Variants in TULP4 observed in about 807,000 individuals in gnomAD.
TULP4 encodes the protein TUB like protein 4.
A neutral mutation model predicts 129.0 loss-of-function variants in TULP4; 16 were observed. The ratio of observed to expected loss-of-function variants is 0.12; its 90% CI spans 0.08 to 0.19. The LOEUF (loss-of-function observed/expected upper bound fraction) is 0.19. Ranked by LOEUF, TULP4 falls within the 10% of genes least tolerant of loss-of-function variation. The pLI is 1.00. For missense variants in TULP4, 1,842 were observed against 2,059.1 expected (o/e 0.89, Z 2.04); for synonymous variants, 998 against 854.0 (o/e 1.17, Z -2.94).
In TULP4 at chr6:158,493,790, G is replaced by T; in HGVS notation, c.1776+73G>T. On this transcript the variant is annotated intron_variant, in intron 10 of 13. Coordinates refer to ENST00000367097, the MANE Select transcript of TULP4 (RefSeq NM_020245.5). The surrounding 1 kb of genome is among the most constrained non-coding windows in gnomAD (Gnocchi z 4.4). ...ATGCCCAGAGGGCCCCTTCCTACCCGCCGCCTGCACTGCTCACTGCCACCA... is the reference window on the plus strand; with the variant it reads ...ATGCCCAGAGGGCCCCTTCCTACCCTCCGCCTGCACTGCTCACTGCCACCA... 6.9e-7 allele frequency: 1 copy of T among 1,455,296 alleles called. No individual in the cohort carries two copies. The highest frequency in any genetic ancestry group is 9.1e-7 in the Non-Finnish European group (1 of 1,098,286). The allele number at this position is 1,455,296 out of a possible 1,614,324, so 90.1% of individuals were successfully genotyped here.
At chr6:158,474,312 C>T (rs1583916309) in intron 6 of TULP4, among the ~76,000 whole-genome samples, 3 of 152,300 alleles carry the variant, frequency 2.0e-5, no homozygotes, top group Admixed American at 1.3e-4. Context: ...CCTCGGTGGC[C>T]GGGTAGCCAG....
intron 1 of TULP4, among the ~76,000 whole-genome samples, chr6:158,314,818 T>G (rs1053363644): frequency 5.3e-5 from 8 of 152,226 alleles, no homozygotes; most frequent in Admixed American, 1.3e-4. Context: ...GTTTTTCACA[T>G]GTATAGGGTA....
chr6:158,472,925 A>AT (rs1196079008), intron 6 of TULP4, among the ~76,000 whole-genome samples: 1 of 152,184 alleles, frequency 6.6e-6, no homozygotes, highest in Non-Finnish European at 1.5e-5. Flanking sequence ...CTCTCTATAT[A>AT]TTCTTGCATA....
intron 13 of TULP4, among the ~76,000 whole-genome samples, chr6:158,504,664 T>C (rs541041358): frequency 1.5e-4 from 23 of 152,014 alleles, no homozygotes; most frequent in Non-Finnish European, 3.2e-4. Flanking sequence ...CCCTAATTTT[T>C]TTTTTTTTAG....
intron 1 of TULP4, among the ~76,000 whole-genome samples, chr6:158,239,664 C>T (rs1483743792): frequency 8.8e-5 from 6 of 68,390 alleles, no homozygotes; most frequent in South Asian, 5.2e-4. Flanking sequence ...CCCTCCCGGA[C>T]CGGGCGGCTG....
intron 1 of TULP4, among the ~76,000 whole-genome samples, chr6:158,262,954 T>A (rs1201135412): frequency 1.4e-5 from 1 of 70,662 alleles, no homozygotes; most frequent in Non-Finnish European, 3.9e-5. Flanking sequence ...CTGGGACCCG[T>A]CATCATCACT....
In TULP4 at chr6:158,244,119, C is replaced by T. The variant is rs548164563; in HGVS notation, n.68+11816C>T. Among the ~76,000 whole-genome samples the T allele has an allele frequency of 9.3e-4, 141 of 152,230 alleles. 3 individuals carry two copies. In the South Asian group the frequency reaches 0.011, roughly 12 times the overall value. On this transcript the variant is annotated intron_variant and non_coding_transcript_variant, in intron 1 of 1. Coordinates refer to the TULP4 transcript ENST00000620026. ...CAGTCCATTGCAGTTACTGTCCTTTCGATGCTCAAATTGCTCCCTCTTTGG... is the reference window on the plus strand; with the variant it reads ...CAGTCCATTGCAGTTACTGTCCTTTTGATGCTCAAATTGCTCCCTCTTTGG...
At chr6:158,356,213 G>A (rs972703329) in intron 1 of TULP4, among the ~76,000 whole-genome samples, 2 of 152,180 alleles carry the variant, frequency 1.3e-5, no homozygotes, top group Non-Finnish European at 2.9e-5. Flanking sequence ...TTCCAGGAAT[G>A]GATGAAATCA....
chr6:158,393,916 C>A (rs1777650440), intron 1 of TULP4, among the ~76,000 whole-genome samples: 1 of 152,248 alleles, frequency 6.6e-6, no homozygotes, highest in Non-Finnish European at 1.5e-5. Flanking sequence ...AATTTCTCCC[C>A]AGAAAATGGG....
rs1378747222 is a variant in TULP4, at chr6:158,503,328, A to T, written c.3665A>T (p.Glu1222Val). 1.1e-5 allele frequency: 18 copies of T among 1,613,784 alleles called. No individual in the cohort carries two copies. The highest frequency in any genetic ancestry group is 1.7e-4 in the Middle Eastern group (1 of 6,060). Reference sequence around the variant, plus strand: ...TCCCCAACGCAGTTTGCACAACAGGAGCCTGCTGTGGTCCTTCAGCCGCTG... The same window carrying T: ...TCCCCAACGCAGTTTGCACAACAGGTGCCTGCTGTGGTCCTTCAGCCGCTG... ...ALSPTQFAQQ[E>V]PAVVLQPLYP... The change falls in exon 13 of 14, where the codon GAG becomes GTG. Residue 1222 changes from glutamate (E) to valine (V), a missense_variant. Transcript: ENST00000367097. This position sits in a 1 kb window ranked among gnomAD's most constrained non-coding sequence, Gnocchi z 4.3.
At chr6:158,309,509 A>T (rs1325811285), upstream of TULP4, among the ~76,000 whole-genome samples, 1 of 151,806 alleles carries the variant, frequency 6.6e-6, no homozygotes, top group Non-Finnish European at 1.5e-5. Context: ...CAGAGGCTGC[A>T]CTCTCGGCGC....
intron 2 of TULP4, among the ~76,000 whole-genome samples, chr6:158,414,464 A>C (rs573811505): frequency 9.8e-5 from 15 of 152,362 alleles, no homozygotes; most frequent in Admixed American, 2.0e-4. Context: ...AAAAGTGCCC[A>C]TGGCACCGCT....
intron 2 of TULP4, among the ~76,000 whole-genome samples, chr6:158,425,508 C>T (rs554125354): frequency 2.6e-3 from 299 of 116,668 alleles, no homozygotes; most frequent in Non-Finnish European, 4.0e-3. Context: ...AGCAAAACTC[C>T]GTCTCAAAAA....
intron 1 of TULP4, among the ~76,000 whole-genome samples, chr6:158,295,552 A>G (rs1475586453): frequency 6.6e-6 from 1 of 152,092 alleles, no homozygotes; most frequent in East Asian, 1.9e-4. Flanking sequence ...TATGTAATAA[A>G]GAATAAAGTG....
chr6:158,378,306 C>T (rs539449877), intron 1 of TULP4, among the ~76,000 whole-genome samples: 2 of 152,076 alleles, frequency 1.3e-5, no homozygotes, highest in East Asian at 1.9e-4. Context: ...TGAATTGTGA[C>T]CATTTTTGCA....
At chr6:158,375,065 C>A (rs2003062) in intron 1 of TULP4, among the ~76,000 whole-genome samples, 101,332 of 151,806 alleles carry the variant, frequency 0.67, 34,334 homozygotes, top group Middle Eastern at 0.74. Flanking sequence ...CAACATGCAG[C>A]AACTCTGTCT....
chr6:158,505,454 A>G (rs1255304030), intron 13 of TULP4, among the ~76,000 whole-genome samples: 1 of 152,250 alleles, frequency 6.6e-6, no homozygotes, highest in Non-Finnish European at 1.5e-5. Context: ...TGGCCGGACA[A>G]CAGCAGAGTT....
rs571401559 is a variant in TULP4 at position 158,382,394 on chromosome 6, A to C, written c.253-30671A>C. On this transcript the variant is annotated intron_variant, in intron 1 of 13. Transcript: ENST00000367097. ...TTTTTCTCATCGTTGTAATTGCTTC[A>C]TAATTGAGCGGGAAAACAAACCTTC... 1.4e-3 allele frequency among the ~76,000 whole-genome samples: 218 copies of C among 152,282 alleles called. 1 individual carries two copies. The highest frequency in any genetic ancestry group is 3.4e-3 in the Middle Eastern group (1 of 294).
intron 1 of TULP4, among the ~76,000 whole-genome samples, chr6:158,286,950 A>T (rs760592154): frequency 6.6e-6 from 1 of 152,158 alleles, no homozygotes; most frequent in Non-Finnish European, 1.5e-5. Flanking sequence ...ATGCTTTTGG[A>T]AGGGGTCAGC....
Sources: gnomAD v4.1 joint callset for allele counts (sites outside exome capture counted in the v4.1 genomes callset) on GRCh38, gnomAD v4.1.1 for gene constraint, Gnocchi (gnomAD v3.1) non-coding constraint, MANE v1.5 for transcripts, NCBI Gene and HGNC (gene_info 2026-07-23, HGNC 2026-07-21) for gene names.